The following SRI variants were observed in gnomAD, a reference collection of about 807,000 sequenced individuals.
SRI encodes sorcin, also known as 22 kDa protein.
A neutral mutation model predicts 33.3 loss-of-function variants in SRI; 30 were observed. The observed-to-expected ratio is 0.90, with a 90% CI of 0.67 to 1.22. SRI has a LOEUF of 1.22. SRI is among the 50% of genes most tolerant of loss of function. SRI has a pLI of 0.00. For missense variants in SRI, 243 were observed against 250.8 expected (o/e 0.97, Z 0.21); for synonymous variants, 75 against 89.9 (o/e 0.83, Z 0.94).
intron 3 of SRI, chr7:88,214,661 T>G (rs1453779708): frequency 2.4e-5 from 4 of 167,252 alleles, no homozygotes; most frequent in Non-Finnish European, 4.8e-5. Flanking sequence ...TATTATATAT[T>G]AGTTACGTAA....
At chr7:88,209,666 G>A (rs888148644) in intron 5 of SRI, among the ~76,000 whole-genome samples, 2 of 152,082 alleles carry the variant, frequency 1.3e-5, no homozygotes, top group Non-Finnish European at 2.9e-5. Context: ...CCAGGCTGGA[G>A]TGCAGTGGTG....
chr7:88,209,807 G>A (rs758641340), intron 5 of SRI, among the ~76,000 whole-genome samples, 176 bp downstream of exon 5: 2 of 152,032 alleles, frequency 1.3e-5, no homozygotes, highest in Non-Finnish European at 2.9e-5. Context: ...GTAGAGTCGG[G>A]GTTTTACTGT....
intron 2 of SRI, among the ~76,000 whole-genome samples, chr7:88,218,528 A>G (rs962890868): frequency 6.6e-6 from 1 of 152,212 alleles, no homozygotes; most frequent in African/African-American, 2.4e-5. Flanking sequence ...GAATCGAGCT[A>G]TGTAATTACT....
At chr7:88,219,143 G>C in intron 1 of SRI, 2 of 600,260 alleles carry the variant, frequency 3.3e-6, no homozygotes, top group South Asian at 3.6e-5. Context: ...TGGCGACTTA[G>C]ACCATAAAGA....
rs1437381323 is a variant in SRI, at chr7:88,206,149, T to C, written c.*329A>G. Reference sequence around the variant, plus strand: ...ACAGCTGTAGTCTGATTAACAGTTTTTAGTGTCTCACAATGAAAAATAAAT... The same window carrying C: ...ACAGCTGTAGTCTGATTAACAGTTTCTAGTGTCTCACAATGAAAAATAAAT... On this transcript the variant is annotated 3_prime_UTR_variant, in exon 8 of 8. Transcript: ENST00000265729. 2.8e-6 allele frequency: 1 copy of C among 354,496 alleles called. No homozygotes were observed. The highest frequency in any genetic ancestry group is 2.1e-5 in the African/African-American group (1 of 48,246). 22.0% of individuals were successfully genotyped at this position (354,496 alleles called of 1,614,324 possible).
chr7:88,219,903 C>A, intron 1 of SRI, 73 bp downstream of exon 1: 1 of 1,506,622 alleles, frequency 6.6e-7, no homozygotes, highest in Non-Finnish European at 8.9e-7. Flanking sequence ...CCCCGCTGGC[C>A]GCAGCATCTC....
intron 3 of SRI, among the ~76,000 whole-genome samples, chr7:88,212,693 G>A (rs73397632): frequency 0.043 from 6,589 of 152,220 alleles, 501 homozygotes; most frequent in African/African-American, 0.15. Context: ...AATAAAATCA[G>A]AAGCTGAATT....
intron 1 of SRI, among the ~76,000 whole-genome samples, chr7:88,225,637 T>C (rs1851978121): frequency 6.6e-6 from 1 of 152,240 alleles, no homozygotes; most frequent in Non-Finnish European, 1.5e-5. Context: ...AATTCCAGTA[T>C]TAATTGCTTA....
At chr7:88,210,707 ATTTCT>A (rs1319665654) in intron 4 of SRI, 170 bp downstream of exon 4, 23 of 601,588 alleles carry the variant, frequency 3.8e-5, no homozygotes, top group Non-Finnish European at 6.8e-5. Context: ...TGTTTACTAA[ATTTCT>A]TTTCTTCCTT....
intron 3 of SRI, among the ~76,000 whole-genome samples, chr7:88,215,491 T>C (rs1851684041): frequency 6.6e-6 from 1 of 152,194 alleles, no homozygotes; most frequent in Non-Finnish European, 1.5e-5. Flanking sequence ...ACCAGCTCAA[T>C]TGCGTAACAA....
chr7:88,205,172 TAAGTTTC>T lies in SRI; in HGVS notation c.*1299_*1305del, dbSNP rs1209171614. ...GACAACTAGTTGTTCAGTTGAATGG[TAAGTTTC>T]ACACTGCATCCTAAAATAAGACAGA... On this transcript the variant is annotated 3_prime_UTR_variant, in exon 8 of 8. Transcript: ENST00000265729. The T allele has an allele frequency of 3.3e-5, 5 of 152,238 alleles. No individual in the cohort carries two copies. The highest frequency in any genetic ancestry group is 7.3e-5 in the Non-Finnish European group (5 of 68,034). The allele number at this position is 152,238 out of a possible 1,614,324, so 9.4% of individuals were successfully genotyped here.
At chr7:88,214,756 AATTTT>A in intron 3 of SRI, 2 of 676,772 alleles carry the variant, frequency 3.0e-6, no homozygotes, top group Non-Finnish European at 1.8e-6. Context: ...AAATAATGTT[AATTTT>A]AATAATTTCC....
rs571784121 is a variant in SRI at position 88,205,561 on chromosome 7, T to TAAG, written c.*914_*916dup. 9.7e-4 allele frequency: 148 copies of TAAG among 152,170 alleles called. No individual in the cohort carries two copies. The highest frequency in any genetic ancestry group is 3.5e-3 in the African/African-American group (146 of 41,446). 9.4% of individuals were successfully genotyped at this position (152,170 alleles called of 1,614,324 possible). ...TACTGGAGAATGTTTGGAAAAGCAG[T>TAAG]AAGAAGGAAGAAGATGAACTCATGA... On this transcript the variant is annotated 3_prime_UTR_variant, in exon 8 of 8. Transcript: ENST00000265729.
At chr7:88,215,522 C>T (rs952045245) in intron 3 of SRI, among the ~76,000 whole-genome samples, 3 of 152,158 alleles carry the variant, frequency 2.0e-5, no homozygotes, top group African/African-American at 7.2e-5. Context: ...AAATGTACTG[C>T]CTACACAGTA....
intron 7 of SRI, 129 bp from the exon 8 acceptor site, chr7:88,206,633 T>A (rs961877942): frequency 1.0e-6 from 1 of 974,978 alleles, no homozygotes; most frequent in Non-Finnish European, 1.6e-6. Flanking sequence ...TTCTAAGATA[T>A]GAGTAAATGA....
chr7:88,217,230 G>T (rs753528612), intron 2 of SRI, 39 bp from the exon 3 acceptor site: 2 of 1,518,086 alleles, frequency 1.3e-6, no homozygotes, highest in South Asian at 2.2e-5. Flanking sequence ...ATAGTGATTT[G>T]TACTTTCAAG....
At chr7:88,219,899 T>C (rs1255001941) in intron 1 of SRI, 77 bp downstream of exon 1, 1 of 1,500,378 alleles carries the variant, frequency 6.7e-7, no homozygotes, top group Non-Finnish European at 8.9e-7. Flanking sequence ...CTCACCCCGC[T>C]GGCCGCAGCA....
intron 4 of SRI, 124 bp from the exon 5 acceptor site, chr7:88,210,254 A>G: frequency 8.7e-7 from 1 of 1,152,334 alleles, no homozygotes. Context: ...TATTCTTGGT[A>G]TGATGTAAAA....
chr7:88,217,571 C>G (rs1851764079), intron 2 of SRI, among the ~76,000 whole-genome samples: 1 of 152,126 alleles, frequency 6.6e-6, no homozygotes, highest in Non-Finnish European at 1.5e-5. Flanking sequence ...GTCACTTTTT[C>G]TTATGATATA....
Sources: allele counts gnomAD v4.1 joint callset (sites outside exome capture counted in the v4.1 genomes callset), GRCh38; gene constraint gnomAD v4.1.1; transcripts MANE v1.5; gene names NCBI Gene and HGNC (gene_info 2026-07-23, HGNC 2026-07-21).